Variants in HTR6 observed in about 807,000 individuals in gnomAD.
HTR6 encodes 5-hydroxytryptamine (serotonin) receptor 6, G protein-coupled.
HTR6 carries 15 observed loss-of-function variants against 17.4 expected under a neutral mutation model. The ratio of observed to expected loss-of-function variants is 0.86; its 90% CI spans 0.58 to 1.33. The LOEUF is 1.33. Among genes scored for constraint, HTR6 ranks in the 40% most tolerant of loss-of-function variants. HTR6 has a pLI of 0.00. For missense variants in HTR6, 578 were observed against 616.0 expected (o/e 0.94, Z 0.65); for synonymous variants, 326 against 295.5 (o/e 1.10, Z -1.06).
At chr1:19,669,287 G>A (rs1370024378) in intron 1 of HTR6, among the ~76,000 whole-genome samples, 2 of 152,124 alleles carry the variant, frequency 1.3e-5, no homozygotes, top group African/African-American at 4.8e-5. Context: ...TGGAACCTGG[G>A]CAGGAGTCTC....
intron 1 of HTR6, among the ~76,000 whole-genome samples, chr1:19,673,824 G>A (rs1483836253): frequency 6.6e-6 from 1 of 151,602 alleles, no homozygotes; most frequent in Non-Finnish European, 1.5e-5. Flanking sequence ...TTCACTCCCA[G>A]GGACATGCAT....
chr1:19,669,568 G>C (rs192328612), intron 1 of HTR6, among the ~76,000 whole-genome samples: 1 of 152,092 alleles, frequency 6.6e-6, no homozygotes, highest in Non-Finnish European at 1.5e-5. Context: ...TGCTTTGCTC[G>C]GGGACCCCAC....
chr1:19,672,781 A>G (rs1249365551), intron 1 of HTR6, among the ~76,000 whole-genome samples: 1 of 152,196 alleles, frequency 6.6e-6, no homozygotes, highest in East Asian at 1.9e-4. Context: ...TGTAATCCCA[A>G]CACTTTGGGA....
chr1:19,678,662 G>C lies in HTR6; in HGVS notation c.810G>C (p.Leu270=), dbSNP rs531418003. The C allele has an allele frequency of 2.5e-6, 4 of 1,613,914 alleles. No individual in the cohort carries two copies. The South Asian group carries it at 4.4e-5, about 18-fold the overall frequency. Residue 270 remains leucine (L), a synonymous_variant, in exon 2 of 3, where the codon CTG becomes CTC. Transcript: ENST00000289753. ...AGGCCCTGAAGGCCAGCCTGACGCT[G>C]GGCATCCTGCTGGGCATGTTCTTTG... is the stretch of plus-strand genomic sequence containing the variant. ...SRKALKASLT[L]GILLGMFFVT... is the part of the protein sequence containing the mutation.
chr1:19,678,343 C>G (rs1470244358), intron 1 of HTR6, among the ~76,000 whole-genome samples: 1 of 151,494 alleles, frequency 6.6e-6, no homozygotes, highest in Non-Finnish European at 1.5e-5. Flanking sequence ...CAGTGGGGGG[C>G]CAAGGTCAGG....
chr1:19,671,766 G>T (rs937012730), intron 1 of HTR6, among the ~76,000 whole-genome samples: 6 of 152,166 alleles, frequency 3.9e-5, no homozygotes, highest in Non-Finnish European at 8.8e-5. Context: ...CATGGGAGCT[G>T]GTCAGCCTTG....
chr1:19,678,175 A>G (rs1203574249), intron 1 of HTR6, among the ~76,000 whole-genome samples: 1 of 152,120 alleles, frequency 6.6e-6, no homozygotes, highest in Non-Finnish European at 1.5e-5. Flanking sequence ...TGTTTCAGGT[A>G]TTGCTCTGTC....
rs201464687 is a variant in HTR6 at position 19,665,759 on chromosome 1, C to T, written c.6C>T (p.Val2=). 29 of 1,491,882 alleles carry T rather than the reference C, an allele frequency of 1.9e-5. No homozygotes were observed. Among genetic ancestry groups the T allele is most frequent in the African/African-American group, 7.3e-5 (5 of 68,052 alleles). The allele number at this position is 1,491,882 out of a possible 1,614,324, so 92.4% of individuals were successfully genotyped here. Residue 2 remains valine (V), a synonymous_variant, in exon 1 of 3, where the codon GTC becomes GTT. Transcript: ENST00000289753. The surrounding 1 kb of genome is among the most constrained non-coding windows in gnomAD (Gnocchi z 4.2). ...GCCGTCCACCCTCGGTCCTCATGGT[C>T]CCAGAGCCGGGCCCAACCGCCAATA... is the stretch of plus-strand genomic sequence containing the variant. M[V]PEPGPTANST...
Position 19,678,545 on chromosome 1 carries a change from CAT to C in HTR6, c.715-21_715-20del. Reference sequence around the variant, plus strand: ...GACGGGGGCCCTTTCTCAACGGACTCATGTGGCCTTCCTTTCCGCAGGTGCCC... The same window carrying C: ...GACGGGGGCCCTTTCTCAACGGACTCGTGGCCTTCCTTTCCGCAGGTGCCC... On this transcript the variant is annotated intron_variant, in intron 1 of 2. Transcript: ENST00000289753. 4 of 1,612,074 alleles carry C rather than the reference CAT, an allele frequency of 2.5e-6. No homozygotes were observed. The African/African-American group carries it at 4.0e-5, about 16-fold the overall frequency.
rs2095100327 is a variant in HTR6 at position 19,680,286 on chromosome 1, G to A, written c.*918G>A. On this transcript the variant is annotated 3_prime_UTR_variant, in exon 3 of 3. Transcript: ENST00000289753. Reference sequence around the variant, plus strand: ...GGCTGTGTGTCAGGAAGGGCTCTTTGCTCCCGTTGTTCTCTTTCCATTTGC... The same window carrying A: ...GGCTGTGTGTCAGGAAGGGCTCTTTACTCCCGTTGTTCTCTTTCCATTTGC... Among the ~76,000 whole-genome samples, 3 of 152,182 alleles carry A rather than the reference G, an allele frequency of 2.0e-5. No individual in the cohort carries two copies. In the South Asian group the frequency reaches 6.2e-4, roughly 32 times the overall value.
In HTR6 at chr1:19,666,433, C is replaced by A. The variant is rs759122261; in HGVS notation, c.680C>A (p.Thr227Asn). Residue 227 changes from threonine (T) to asparagine (N), a missense_variant, in exon 1 of 3, where the codon ACC becomes AAC. Transcript: ENST00000289753. This position sits in a 1 kb window ranked among gnomAD's most constrained non-coding sequence, Gnocchi z 4.5. Reference sequence around the variant, plus strand: ...GCCGTGCAGGTGGCCTCCCTCACCACCGGCATGGCCAGTCAGGCCTCGGAG... The same window carrying A: ...GCCGTGCAGGTGGCCTCCCTCACCAACGGCATGGCCAGTCAGGCCTCGGAG... The part of the protein sequence containing the change: ...KQAVQVASLT[T>N]GMASQASETL... 6.2e-7 allele frequency: 1 copy of A among 1,612,300 alleles called. No homozygotes were observed. The highest frequency in any genetic ancestry group is 8.5e-7 in the Non-Finnish European group (1 of 1,179,484).
At chr1:19,671,368 T>C (rs529789617) in intron 1 of HTR6, among the ~76,000 whole-genome samples, 1 of 152,296 alleles carries the variant, frequency 6.6e-6, no homozygotes, top group Non-Finnish European at 1.5e-5. Context: ...TTCTCTTGGT[T>C]TGAACGTGAC....
intron 1 of HTR6, among the ~76,000 whole-genome samples, chr1:19,670,406 T>C (rs898048536): frequency 9.9e-5 from 15 of 151,882 alleles, no homozygotes; most frequent in African/African-American, 3.6e-4. Context: ...TTTATTTATT[T>C]ACTGTTTATT....
chr1:19,678,842 G>T, intron 2 of HTR6, 77 bp from the exon 3 acceptor site: 2 of 1,556,108 alleles, frequency 1.3e-6, no homozygotes, highest in Non-Finnish European at 1.7e-6. Flanking sequence ...GTGTGTGTGT[G>T]TCTGCTCCAT....
chr1:19,671,134 G>A (rs1233768439), intron 1 of HTR6, among the ~76,000 whole-genome samples: 1 of 152,106 alleles, frequency 6.6e-6, no homozygotes, highest in Non-Finnish European at 1.5e-5. Flanking sequence ...GGATTATGGA[G>A]CTTATAGGAG....
rs2100479740 is a variant in HTR6 at position 19,679,956 on chromosome 1, T to A, written c.*588T>A. Among the ~76,000 whole-genome samples, 1 of 152,324 alleles carries A rather than the reference T, an allele frequency of 6.6e-6. No individual in the cohort carries two copies. The highest frequency in any genetic ancestry group is 2.4e-5 in the African/African-American group (1 of 41,570). On this transcript the variant is annotated 3_prime_UTR_variant, in exon 3 of 3. Coordinates refer to ENST00000289753, the MANE Select transcript of HTR6 (RefSeq NM_000871.3). The surrounding 1 kb of genome is among the most constrained non-coding windows in gnomAD (Gnocchi z 4.9). ...ATCATCTTTAACCCTCAGAATGATTTGCTGGATGGTTTTTGGACCTGTCAG... is the reference window on the plus strand; with the variant it reads ...ATCATCTTTAACCCTCAGAATGATTAGCTGGATGGTTTTTGGACCTGTCAG...
chr1:19,678,730 T>C lies in HTR6; in HGVS notation c.873+5T>C, dbSNP rs756351555. 1.2e-6 allele frequency: 2 copies of C among 1,605,214 alleles called. No individual in the cohort carries two copies. The highest frequency in any genetic ancestry group is 2.2e-5 in the South Asian group (2 of 90,774). On this transcript the variant is annotated splice_donor_5th_base_variant and intron_variant, in intron 2 of 2. Transcript: ENST00000289753. ...TTTGTGGCCAACATAGTCCAGGTAATGCCACGGCAGGGGGCAGGTGAGTCC... is the reference window on the plus strand; with the variant it reads ...TTTGTGGCCAACATAGTCCAGGTAACGCCACGGCAGGGGGCAGGTGAGTCC...
In HTR6 at chr1:19,679,663, G is replaced by A. The variant is rs1243501151; in HGVS notation, c.*295G>A. 2.4e-6 allele frequency: 1 copy of A among 409,300 alleles called. No individual in the cohort carries two copies. The highest frequency in any genetic ancestry group is 4.3e-6 in the Non-Finnish European group (1 of 230,496). 25.4% of individuals were successfully genotyped at this position (409,300 alleles called of 1,614,324 possible). On this transcript the variant is annotated 3_prime_UTR_variant, in exon 3 of 3. Coordinates refer to ENST00000289753, the MANE Select transcript of HTR6 (RefSeq NM_000871.3). This position sits in a 1 kb window ranked among gnomAD's most constrained non-coding sequence, Gnocchi z 4.9. ...TTGGGGAGAAGGACCTCTTGGTTCA[G>A]GTTAGGATGAAAACAATCATGACCT... is the stretch of plus-strand genomic sequence containing the variant.
At position 19,679,185 on chromosome 1, in the gene HTR6, G is replaced by A. The variant is rs201461239; in HGVS notation, c.1140G>A (p.Ser380=). The change falls in exon 3 of 3, where the codon TCG becomes TCA. Residue 380 remains serine, a synonymous_variant. Coordinates refer to ENST00000289753, the MANE Select transcript of HTR6 (RefSeq NM_000871.3). The surrounding 1 kb of genome is among the most constrained non-coding windows in gnomAD (Gnocchi z 4.9). The part of the protein sequence containing the change: ...LPLPLPPDSD[S]DSDAGSGGSS... ...TGCCCCTGCCGCCGGACTCAGATTC[G>A]GACTCAGACGCAGGCTCAGGCGGCT... 18 of 1,583,760 alleles carry A rather than the reference G, an allele frequency of 1.1e-5. No individual in the cohort carries two copies. The highest frequency in any genetic ancestry group is 2.3e-5 in the East Asian group (1 of 42,926).
Sources: allele counts gnomAD v4.1 joint callset (sites outside exome capture counted in the v4.1 genomes callset), GRCh38; gene constraint gnomAD v4.1.1; non-coding constraint Gnocchi (gnomAD v3.1); transcripts MANE v1.5; gene names NCBI Gene and HGNC (gene_info 2026-07-23, HGNC 2026-07-21).